Variants in MACROD2 observed in about 807,000 individuals in gnomAD.
The protein encoded by MACROD2 is mono-ADP ribosylhydrolase 2.
In MACROD2, 36 loss-of-function variants were observed where a neutral mutation model predicts 70.4. That is an observed-to-expected ratio of 0.51 (90% CI 0.39 to 0.68). The LOEUF (loss-of-function observed/expected upper bound fraction) is 0.68. Among genes scored for constraint, MACROD2 ranks in the 30% least tolerant of loss-of-function variants. MACROD2 has a pLI of 0.00. For synonymous variants in MACROD2, 172 were observed against 178.8 expected, an observed-to-expected ratio of 0.96 and a Z score of 0.30; for missense variants, 496 against 538.4, an observed-to-expected ratio of 0.92 and a Z score of 0.78.
At chr20:15,234,331 CTATATATA>C (rs527471916) in intron 6 of MACROD2, among the ~76,000 whole-genome samples, 1 of 150,238 alleles carries the variant, frequency 6.7e-6, no homozygotes, top group African/African-American at 2.4e-5. Context: ...CGCGCCCGGC[CTATATATA>C]TATATTCTTG....
At chr20:14,992,914 C>A (rs1381923607) in intron 5 of MACROD2, among the ~76,000 whole-genome samples, 1 of 152,138 alleles carries the variant, frequency 6.6e-6, no homozygotes, top group Non-Finnish European at 1.5e-5. Context: ...AGGCTCTAAT[C>A]CTGTGATTCC....
rs148453073 is a variant in MACROD2, at chr20:14,338,766, T to A, written c.272-154713T>A. ...ATAAACACTGGACAATTGTAAGACG[T>A]GGAGATTATAAATTTCTATGCCTAA... On this transcript the variant is annotated intron_variant, in intron 3 of 17. Coordinates refer to ENST00000684519, the MANE Select transcript of MACROD2 (RefSeq NM_001351661.2). 5.9e-5 allele frequency among the ~76,000 whole-genome samples: 9 copies of A among 152,320 alleles called. No individual in the cohort carries two copies. The East Asian group carries it at 1.7e-3, about 29-fold the overall frequency.
intron 2 of MACROD2, among the ~76,000 whole-genome samples, chr20:14,034,479 G>A (rs2053284395): frequency 6.6e-6 from 1 of 152,158 alleles, no homozygotes. Flanking sequence ...GGAATTGCTA[G>A]GGTATGCAAT....
chr20:15,849,704 C>T (rs1350580588), intron 8 of MACROD2, among the ~76,000 whole-genome samples: 1 of 152,146 alleles, frequency 6.6e-6, no homozygotes, highest in Non-Finnish European at 1.5e-5. Context: ...TAACTTTTGT[C>T]TCTGAACCAC....
At chr20:14,757,788 A>C in intron 5 of MACROD2, 1 of 1,531,826 alleles carries the variant, frequency 6.5e-7, no homozygotes, top group Non-Finnish European at 9.0e-7. Flanking sequence ...GAGGGTATCC[A>C]GTATCTCCGT....
intron 8 of MACROD2, among the ~76,000 whole-genome samples, chr20:15,754,281 T>C (rs1372194779): frequency 6.6e-6 from 1 of 152,210 alleles, no homozygotes; most frequent in Non-Finnish European, 1.5e-5. Context: ...TCACGGTTTC[T>C]TTAGGAAAAA....
chr20:14,494,907 T>C (rs1046278580), intron 4 of MACROD2, among the ~76,000 whole-genome samples: 3 of 152,140 alleles, frequency 2.0e-5, no homozygotes, highest in African/African-American at 7.2e-5. Context: ...AGTTAAATTG[T>C]CCATAGTGCT....
At chr20:15,077,944 G>A (rs2075671584) in intron 5 of MACROD2, among the ~76,000 whole-genome samples, 1 of 152,004 alleles carries the variant, frequency 6.6e-6, no homozygotes, top group Non-Finnish European at 1.5e-5. Context: ...GGAGGGGGAG[G>A]CATTCTCAGA....
intron 13 of MACROD2, among the ~76,000 whole-genome samples, chr20:15,969,751 GGA>G (rs1429578887): frequency 1.3e-5 from 2 of 152,054 alleles, no homozygotes; most frequent in Non-Finnish European, 2.9e-5. Context: ...CAGAAAGGAA[GGA>G]GAGAGACAAT....
intron 5 of MACROD2, among the ~76,000 whole-genome samples, chr20:15,055,251 A>G (rs1282539949): frequency 6.6e-6 from 1 of 152,166 alleles, no homozygotes; most frequent in East Asian, 1.9e-4. Context: ...CACCTGGGCT[A>G]TACCCACAAA....
At chr20:14,226,817 A>G (rs1255344255) in intron 3 of MACROD2, among the ~76,000 whole-genome samples, 2 of 152,208 alleles carry the variant, frequency 1.3e-5, no homozygotes, top group Non-Finnish European at 2.9e-5. Flanking sequence ...TGTGCGGCCA[A>G]GCCTCCCCGA....
At position 14,959,648 on chromosome 20, in the gene MACROD2, A is replaced by G. The variant is rs113740389; in HGVS notation, c.419-270292A>G. Among the ~76,000 whole-genome samples, 783 of 152,308 alleles carry G rather than the reference A, an allele frequency of 5.1e-3. 7 individuals carry two copies. The highest frequency in any genetic ancestry group is 0.018 in the African/African-American group (738 of 41,562). On this transcript the variant is annotated intron_variant, in intron 5 of 17. Coordinates refer to ENST00000684519, the MANE Select transcript of MACROD2 (RefSeq NM_001351661.2). ...TCTAGGGACGGGATGGCGTCCACAC[A>G]GAAGCAATGTGAACAATGCCCCCTG...
intron 6 of MACROD2, among the ~76,000 whole-genome samples, chr20:15,336,819 T>A (rs1006394020): frequency 2.6e-5 from 4 of 151,674 alleles, no homozygotes; most frequent in Admixed American, 6.6e-5. Context: ...TTTCAACAGG[T>A]CTTTTGACTT....
chr20:15,372,265 C>A (rs1035078970), intron 6 of MACROD2, among the ~76,000 whole-genome samples: 2 of 152,162 alleles, frequency 1.3e-5, no homozygotes, highest in African/African-American at 4.8e-5. Context: ...ACAGAGTATG[C>A]ACATCTCCAA....
chr20:15,527,306 G>A (rs908216467), intron 8 of MACROD2, among the ~76,000 whole-genome samples: 3 of 152,106 alleles, frequency 2.0e-5, no homozygotes, highest in Non-Finnish European at 4.4e-5. Flanking sequence ...CTAAAGTTTA[G>A]TTAATGGTAT....
At chr20:15,268,249 G>C (rs2077314134) in intron 6 of MACROD2, among the ~76,000 whole-genome samples, 1 of 152,112 alleles carries the variant, frequency 6.6e-6, no homozygotes, top group African/African-American at 2.4e-5. Context: ...AATTGTAGCA[G>C]AGAAAAAAAG....
intron 8 of MACROD2, among the ~76,000 whole-genome samples, chr20:15,636,731 G>A (rs2049376166): frequency 6.6e-6 from 1 of 152,118 alleles, no homozygotes; most frequent in Non-Finnish European, 1.5e-5. Flanking sequence ...CCTGGACTGA[G>A]AGCACTGCCC....
At chr20:13,998,555 C>T (rs1275162448) in intron 1 of MACROD2, among the ~76,000 whole-genome samples, 1 of 152,138 alleles carries the variant, frequency 6.6e-6, no homozygotes, top group East Asian at 1.9e-4. Context: ...CTAATCATCT[C>T]CCTTTTCTGC....
intron 5 of MACROD2, 149 bp downstream of exon 5, chr20:14,685,108 T>G: frequency 1.8e-6 from 1 of 555,056 alleles, no homozygotes; most frequent in Non-Finnish European, 3.2e-6. Context: ...AAAACGTGCT[T>G]TCCAAGTATG....
Sources: allele counts gnomAD v4.1 joint callset (sites outside exome capture counted in the v4.1 genomes callset), GRCh38; gene constraint gnomAD v4.1.1; transcripts MANE v1.5; gene names NCBI Gene and HGNC (gene_info 2026-07-23, HGNC 2026-07-21).